Variants in RBFOX1 observed in about 807,000 individuals in gnomAD.
RBFOX1 encodes RNA binding fox-1 homolog 1.
RBFOX1 carries 8 observed loss-of-function variants against 57.7 expected under a neutral mutation model. The ratio of observed to expected loss-of-function variants is 0.14; its 90% CI spans 0.08 to 0.25. The LOEUF (loss-of-function observed/expected upper bound fraction) is 0.25, where lower values mean the gene tolerates loss of function less well. Ranked by LOEUF, RBFOX1 falls within the 10% of genes least tolerant of loss-of-function variation. The pLI is 1.00. For missense variants in RBFOX1, 611 were observed against 548.5 expected (o/e 1.11, Z -1.14); for synonymous variants, 326 against 222.4 (o/e 1.47, Z -4.15).
At chr16:7,444,572 T>A (rs1459905339) in intron 4 of RBFOX1, among the ~76,000 whole-genome samples, 1 of 151,998 alleles carries the variant, frequency 6.6e-6, no homozygotes, top group Non-Finnish European at 1.5e-5. Context: ...TTGCTGTGTC[T>A]CCCAAGCTAG....
At chr16:7,153,665 G>C (rs901634833) in intron 4 of RBFOX1, among the ~76,000 whole-genome samples, 22 of 149,532 alleles carry the variant, frequency 1.5e-4, no homozygotes, top group African/African-American at 5.2e-4. Flanking sequence ...CAGGAGAATC[G>C]CTGGAACCCT....
At chr16:6,531,370 G>C (rs765636351) in intron 2 of RBFOX1, among the ~76,000 whole-genome samples, 9 of 152,124 alleles carry the variant, frequency 5.9e-5, no homozygotes, top group Non-Finnish European at 8.8e-5. Context: ...CTGAGGAGCA[G>C]GTACCAGAGC....
At chr16:6,615,124 T>C (rs2098123763) in intron 2 of RBFOX1, among the ~76,000 whole-genome samples, 1 of 152,240 alleles carries the variant, frequency 6.6e-6, no homozygotes, top group South Asian at 2.1e-4. Flanking sequence ...AAACTCATTG[T>C]ATAAAATACA....
intron 3 of RBFOX1, among the ~76,000 whole-genome samples, chr16:6,880,289 G>T (rs988107718): frequency 2.6e-5 from 4 of 152,186 alleles, no homozygotes; most frequent in African/African-American, 9.7e-5. Context: ...GAGACATAAG[G>T]TTGGCTGGGT....
intron 1 of RBFOX1, among the ~76,000 whole-genome samples, chr16:6,063,464 G>GACACACACACACACAC (rs772720519): frequency 3.5e-5 from 3 of 86,494 alleles, no homozygotes; most frequent in African/African-American, 2.0e-4. Context: ...CTCTTTCTCC[G>GACACACACACACACAC]ACACACACAC....
At chr16:7,121,810 G>A (rs1356530143) in intron 4 of RBFOX1, among the ~76,000 whole-genome samples, 1 of 151,866 alleles carries the variant, frequency 6.6e-6, no homozygotes, top group African/African-American at 2.4e-5. Flanking sequence ...TAAAGATAGT[G>A]CAAACCAGTA....
chr16:6,542,183 C>G (rs2096830027), intron 2 of RBFOX1, among the ~76,000 whole-genome samples: 1 of 152,138 alleles, frequency 6.6e-6, no homozygotes, highest in African/African-American at 2.4e-5. Flanking sequence ...GCGTCTGCCT[C>G]TCAAAGTGCT....
At chr16:6,709,778 G>A (rs769284647) in intron 3 of RBFOX1, among the ~76,000 whole-genome samples, 4 of 152,132 alleles carry the variant, frequency 2.6e-5, no homozygotes, top group Non-Finnish European at 5.9e-5. Flanking sequence ...GCTCAGCCCA[G>A]GAGATACTGC....
At chr16:7,045,809 C>T (rs190750729) in intron 3 of RBFOX1, among the ~76,000 whole-genome samples, 1 of 152,014 alleles carries the variant, frequency 6.6e-6, no homozygotes, top group Non-Finnish European at 1.5e-5. Flanking sequence ...GCGCATTCCA[C>T]CACGTGTGGC....
intron 5 of RBFOX1, among the ~76,000 whole-genome samples, chr16:7,563,001 AT>A (rs1262804800): frequency 2.6e-5 from 4 of 152,178 alleles, no homozygotes. Context: ...GGGGATTGCA[AT>A]GCCAGGGCTC....
chr16:5,779,281 A>G (rs2054250154), intron 3 of RBFOX1, among the ~76,000 whole-genome samples: 1 of 152,156 alleles, frequency 6.6e-6, no homozygotes, highest in African/African-American at 2.4e-5. Context: ...TTTATCTTGA[A>G]TTTAAATTGT....
chr16:5,258,129 A>T (rs1465861741), intron 1 of RBFOX1, among the ~76,000 whole-genome samples: 1 of 151,928 alleles, frequency 6.6e-6, no homozygotes, highest in Admixed American at 6.6e-5. Context: ...TCCTCCATCC[A>T]CCTCGGCCTC....
intron 3 of RBFOX1, among the ~76,000 whole-genome samples, chr16:6,925,505 G>A (rs2153462175): frequency 6.6e-6 from 1 of 150,426 alleles, no homozygotes; most frequent in African/African-American, 2.5e-5. Flanking sequence ...CTATTCCACT[G>A]TGAATGTAAA....
At chr16:7,446,072 G>C (rs1371815021) in intron 4 of RBFOX1, among the ~76,000 whole-genome samples, 2 of 152,158 alleles carry the variant, frequency 1.3e-5, no homozygotes, top group Admixed American at 6.5e-5. Flanking sequence ...ACTCCATCTT[G>C]TCTGAGATCT....
At chr16:5,994,364 A>C (rs2060456416) in intron 4 of RBFOX1, among the ~76,000 whole-genome samples, 1 of 152,064 alleles carries the variant, frequency 6.6e-6, no homozygotes, top group Non-Finnish European at 1.5e-5. Flanking sequence ...GTTTCGCCAT[A>C]TTGGCCAGGC....
intron 3 of RBFOX1, among the ~76,000 whole-genome samples, chr16:6,806,416 C>T (rs1040518035): frequency 6.6e-6 from 1 of 152,122 alleles, no homozygotes; most frequent in Non-Finnish European, 1.5e-5. Context: ...AATACATTTG[C>T]ATCTTTTTCA....
At chr16:5,488,387 T>C (rs1026847687) in intron 2 of RBFOX1, among the ~76,000 whole-genome samples, 2 of 150,138 alleles carry the variant, frequency 1.3e-5, no homozygotes, top group Non-Finnish European at 3.0e-5. Flanking sequence ...TGGTGGAAGA[T>C]GCTGGTGTGG....
intron 3 of RBFOX1, among the ~76,000 whole-genome samples, chr16:6,959,843 A>G (rs1163074359): frequency 6.6e-6 from 1 of 152,186 alleles, no homozygotes; most frequent in Non-Finnish European, 1.5e-5. Flanking sequence ...AGGCTGAGGC[A>G]GGAGAATCGC....
chr16:5,500,772 G>A (rs995873060), intron 2 of RBFOX1, among the ~76,000 whole-genome samples: 1 of 152,162 alleles, frequency 6.6e-6, no homozygotes, highest in Non-Finnish European at 1.5e-5. Context: ...TTTTTGCGTG[G>A]TAACTTCACC....
Sources: gnomAD v4.1 joint callset for allele counts (sites outside exome capture counted in the v4.1 genomes callset) on GRCh38, gnomAD v4.1.1 for gene constraint, MANE v1.5 for transcripts, NCBI Gene and HGNC (gene_info 2026-07-23, HGNC 2026-07-21) for gene names.